The following GPR139 variants were observed in gnomAD, a reference collection of about 807,000 sequenced individuals.
The protein encoded by GPR139 is probable G protein-coupled receptor 139.
A neutral mutation model predicts 25.8 loss-of-function variants in GPR139; 12 were observed. That is an observed-to-expected ratio of 0.47 (90% CI 0.30 to 0.75). GPR139 has a LOEUF of 0.75. Among genes scored for constraint, GPR139 ranks in the 30% least tolerant of loss-of-function variants. The pLI is 0.07. For missense variants in GPR139, 380 were observed against 450.2 expected (o/e 0.84, Z 1.41); for synonymous variants, 184 against 179.9 (o/e 1.02, Z -0.18).
rs191536344 is a variant in GPR139 at position 20,057,232 on chromosome 16, G to A, written c.127+16258C>T. Among the ~76,000 whole-genome samples the A allele has an allele frequency of 2.0e-3, 302 of 152,270 alleles. 3 individuals carry two copies. Among genetic ancestry groups the A allele is most frequent in the African/African-American group, 7.0e-3 (290 of 41,546 alleles). Reference sequence around the variant, plus strand: ...CTGCTCACTGGCTGAATTACCTTGGGCAGGCCACTTTACTTCTCGAAGCCT... The same window carrying A: ...CTGCTCACTGGCTGAATTACCTTGGACAGGCCACTTTACTTCTCGAAGCCT... On this transcript the variant is annotated intron_variant, in intron 1 of 1. Coordinates refer to ENST00000570682, the MANE Select transcript of GPR139 (RefSeq NM_001002911.4).
chr16:20,059,727 T>C (rs1330705965), intron 1 of GPR139, among the ~76,000 whole-genome samples: 2 of 152,214 alleles, frequency 1.3e-5, no homozygotes, highest in African/African-American at 4.8e-5. Context: ...TGACAGGGGC[T>C]CATGGATATG....
At chr16:20,070,718 C>T (rs1012666527) in intron 1 of GPR139, among the ~76,000 whole-genome samples, 1 of 152,218 alleles carries the variant, frequency 6.6e-6, no homozygotes, top group Non-Finnish European at 1.5e-5. Context: ...TGGGGTGAGT[C>T]CACTGCCAGG....
rs1484472845 is a variant in GPR139, at chr16:20,048,566, T to C, written c.128-15897A>G. Among the ~76,000 whole-genome samples the C allele has an allele frequency of 2.6e-5, 4 of 152,346 alleles. No homozygotes were observed. In the East Asian group the frequency reaches 7.7e-4, roughly 29 times the overall value. ...GAAATATAAATGTGTGGGCATGCCATGTGGGCACTTCCGGTGAGCAGGATA... is the reference window on the plus strand; with the variant it reads ...GAAATATAAATGTGTGGGCATGCCACGTGGGCACTTCCGGTGAGCAGGATA... On this transcript the variant is annotated intron_variant, in intron 1 of 1. Transcript: ENST00000570682.
intron 1 of GPR139, among the ~76,000 whole-genome samples, chr16:20,070,697 T>G (rs1338426603): frequency 6.6e-6 from 1 of 152,214 alleles, no homozygotes; most frequent in African/African-American, 2.4e-5. Flanking sequence ...ACTGCGAGAA[T>G]TTGGGAAACT....
chr16:20,054,676 CCTTCCTTCCTT>C (rs142357426), intron 1 of GPR139, among the ~76,000 whole-genome samples: 11,458 of 150,946 alleles, frequency 0.076, 535 homozygotes, highest in Non-Finnish European at 0.11. Flanking sequence ...GTACAGATTT[CCTTCCTTCCTT>C]CTTCCTTCCT....
At position 20,032,562 on chromosome 16, in the gene GPR139, A is replaced by G; in HGVS notation, c.235T>C (p.Phe79Leu). The change falls in exon 2 of 2, where the codon TTC becomes CTC. Residue 79 changes from phenylalanine (F) to leucine (L), a missense_variant. Phe to Leu is a conservative substitution (Grantham distance 22). Coordinates refer to ENST00000570682, the MANE Select transcript of GPR139 (RefSeq NM_001002911.4). The part of the protein sequence containing the change: ...LAAADILVLF[F>L]IVFVDFLLED... ...AACAGGAAGTCCACAAACACTATGA[A>G]AAAGAGGACCAAGATGTCGGCAGCA... 3.1e-6 allele frequency: 5 copies of G among 1,614,156 alleles called. No individual in the cohort carries two copies. Among genetic ancestry groups the G allele is most frequent in the Non-Finnish European group, 3.4e-6 (4 of 1,180,004 alleles).
chr16:20,073,570 C>A lies in GPR139; in HGVS notation c.47G>T (p.Trp16Leu), dbSNP rs1443996024. 14 of 1,612,078 alleles carry A rather than the reference C, an allele frequency of 8.7e-6. No homozygotes were observed. In the African/African-American group the frequency reaches 1.9e-4, roughly 21 times the overall value. The change falls in exon 1 of 2, where the codon TGG becomes TTG. Residue 16 changes from tryptophan to leucine, a missense_variant. Coordinates refer to ENST00000570682, the MANE Select transcript of GPR139 (RefSeq NM_001002911.4). This position sits in a 1 kb window ranked among gnomAD's most constrained non-coding sequence, Gnocchi z 4.7. ...AHLAANSSLS[W>L]WSPGSACGLG... is the part of the protein sequence containing the mutation. ...GCCGCAGGCCGAGCCGGGGGACCAC[C>A]AAGACAGCGAGCTGTTGGCTGCGAG...
rs1424921566 is a variant in GPR139 at position 20,073,737 on chromosome 16, C to G, written c.-121G>C. ...GCTGGAGCAGCAGCGCCTCTCTCCC[C>G]GCAGGACTGGCTCCTACCCTTGGCC... On this transcript the variant is annotated 5_prime_UTR_variant, in exon 1 of 2. Transcript: ENST00000570682. The surrounding 1 kb of genome is among the most constrained non-coding windows in gnomAD (Gnocchi z 4.7). The G allele has an allele frequency of 3.2e-6, 4 of 1,267,286 alleles. No individual in the cohort carries two copies. The highest frequency in any genetic ancestry group is 5.4e-5 in the Admixed American group (2 of 37,052). The allele number at this position is 1,267,286 out of a possible 1,614,324, so 78.5% of individuals were successfully genotyped here.
chr16:20,069,832 G>C lies in GPR139; in HGVS notation c.127+3658C>G, dbSNP rs144319310. 1.2e-3 allele frequency among the ~76,000 whole-genome samples: 184 copies of C among 152,244 alleles called. 1 individual carries two copies. The highest frequency in any genetic ancestry group is 4.1e-3 in the African/African-American group (172 of 41,522). ...CAAGTTCATCATTTTCTCCTGCATT[G>C]CTGTCTCTTTTGTACTGTCTCATTC... On this transcript the variant is annotated intron_variant, in intron 1 of 1. Transcript: ENST00000570682.
intron 1 of GPR139, among the ~76,000 whole-genome samples, chr16:20,033,489 A>G (rs1216667032): frequency 1.3e-5 from 2 of 152,158 alleles, no homozygotes; most frequent in African/African-American, 4.8e-5. Flanking sequence ...TGCATGAAGA[A>G]TATGGGGCTG....
At chr16:20,051,185 T>C (rs188920801) in intron 1 of GPR139, among the ~76,000 whole-genome samples, 10 of 152,290 alleles carry the variant, frequency 6.6e-5, no homozygotes, top group African/African-American at 2.2e-4. Flanking sequence ...GAGGATTCTG[T>C]ATACCTCAGT....
intron 1 of GPR139, among the ~76,000 whole-genome samples, chr16:20,037,981 C>T (rs1180565953): frequency 6.6e-6 from 1 of 152,086 alleles, no homozygotes; most frequent in Non-Finnish European, 1.5e-5. Context: ...TTGCCTCAGC[C>T]TCCTGAGTAG....
At position 20,028,757 on chromosome 16, in the gene GPR139, G is replaced by C. The variant is rs2057276543; in HGVS notation, c.*2978C>G. Among the ~76,000 whole-genome samples the C allele has an allele frequency of 6.6e-6, 1 of 152,156 alleles. No homozygotes were observed. The highest frequency in any genetic ancestry group is 1.5e-5 in the Non-Finnish European group (1 of 68,022). ...CAATAAAAAGACACAGCATGGTGGT[G>C]CGTATCATCATTGCAATGTCCAACC... On this transcript the variant is annotated 3_prime_UTR_variant, in exon 2 of 2. Coordinates refer to ENST00000570682, the MANE Select transcript of GPR139 (RefSeq NM_001002911.4).
chr16:20,051,728 C>T (rs1291406827), intron 1 of GPR139, among the ~76,000 whole-genome samples: 3 of 152,180 alleles, frequency 2.0e-5, no homozygotes, highest in Non-Finnish European at 4.4e-5. Flanking sequence ...ACAGAGAAAG[C>T]GGCTTCCAAC....
rs1464648356 is a variant in GPR139 at position 20,029,066 on chromosome 16, G to A, written c.*2669C>T. Among the ~76,000 whole-genome samples the A allele has an allele frequency of 6.6e-6, 1 of 152,114 alleles. No homozygotes were observed. Among genetic ancestry groups the A allele is most frequent in the East Asian group, 1.9e-4 (1 of 5,198 alleles). The stretch of plus-strand genomic sequence containing the variant: ...GTTTGAAATAAATTTTAAGAGATAT[G>A]AATCAACCTAACCCAATGGGCATTC... On this transcript the variant is annotated 3_prime_UTR_variant, in exon 2 of 2. Transcript: ENST00000570682.
chr16:20,047,116 T>TG (rs1555466122), intron 1 of GPR139, among the ~76,000 whole-genome samples: 8 of 151,196 alleles, frequency 5.3e-5, no homozygotes, highest in Middle Eastern at 3.4e-3. Flanking sequence ...GGGATTTTTT[T>TG]TTTGTTTTTT....
rs184231534 is a variant in GPR139, at chr16:20,055,328, C to A, written c.127+18162G>T. 1.2e-4 allele frequency among the ~76,000 whole-genome samples: 19 copies of A among 152,216 alleles called. No homozygotes were observed. The East Asian group carries it at 3.5e-3, about 28-fold the overall frequency. On this transcript the variant is annotated intron_variant, in intron 1 of 1. Transcript: ENST00000570682. ...GGAAGATTTACAACATTATTAATGC[C>A]CATAACCAAGGCAGGCTACATTTGG...
chr16:20,073,325 G>T lies in GPR139; in HGVS notation c.127+165C>A, dbSNP rs1300379135. Among the ~76,000 whole-genome samples the T allele has an allele frequency of 6.6e-6, 1 of 151,832 alleles. No individual in the cohort carries two copies. Among genetic ancestry groups the T allele is most frequent in the Non-Finnish European group, 1.5e-5 (1 of 67,954 alleles). On this transcript the variant is annotated intron_variant, in intron 1 of 1. Transcript: ENST00000570682. The surrounding 1 kb of genome is among the most constrained non-coding windows in gnomAD (Gnocchi z 4.7). Reference sequence around the variant, plus strand: ...ACACACGGTCCCCAGCTAGGGCACAGCAACTTCCTTTCCCCCCGTGTGGAA... The same window carrying T: ...ACACACGGTCCCCAGCTAGGGCACATCAACTTCCTTTCCCCCCGTGTGGAA...
chr16:20,053,737 G>A (rs988198518), intron 1 of GPR139, among the ~76,000 whole-genome samples: 5 of 152,058 alleles, frequency 3.3e-5, no homozygotes, highest in Admixed American at 3.3e-4. Flanking sequence ...GAGCAAGATA[G>A]CAGAAAATTA....
Sources: allele counts gnomAD v4.1 joint callset (sites outside exome capture counted in the v4.1 genomes callset), GRCh38; gene constraint gnomAD v4.1.1; non-coding constraint Gnocchi (gnomAD v3.1); transcripts MANE v1.5; gene names NCBI Gene and HGNC (gene_info 2026-07-23, HGNC 2026-07-21).